BACH2: variants seen among roughly 807,000 people sequenced by gnomAD.
BACH2 encodes the protein BACH transcriptional regulator 2, also known as transcription regulator protein BACH2.
BACH2 carries 5 observed loss-of-function variants against 61.8 expected under a neutral mutation model. The observed-to-expected ratio is 0.08, with a 90% CI of 0.04 to 0.17. The LOEUF (loss-of-function observed/expected upper bound fraction) is 0.17. BACH2 is among the 10% of genes least tolerant of loss of function. BACH2 has a pLI of 1.00. For missense variants in BACH2, 824 were observed against 1,091.1 expected (o/e 0.76, Z 3.45); for synonymous variants, 446 against 440.1 (o/e 1.01, Z -0.17).
chr6:90,162,251 C>G (rs1432180389), intron 4 of BACH2, among the ~76,000 whole-genome samples: 1 of 152,186 alleles, frequency 6.6e-6, no homozygotes, highest in Non-Finnish European at 1.5e-5. Context: ...ATTTAAATTA[C>G]TAGTGCTCTC....
At chr6:90,284,224 A>C (rs1265886089) in intron 1 of BACH2, among the ~76,000 whole-genome samples, 1 of 152,154 alleles carries the variant, frequency 6.6e-6, no homozygotes, top group Non-Finnish European at 1.5e-5. Flanking sequence ...AACTAAACAA[A>C]AAACAAAAAT....
rs566356254 is a variant in BACH2 at position 90,068,891 on chromosome 6, T to C, written c.-13+20070A>G. Among the ~76,000 whole-genome samples, 10 of 152,296 alleles carry C rather than the reference T, an allele frequency of 6.6e-5. No homozygotes were observed. In the South Asian group the frequency reaches 8.3e-4, roughly 13 times the overall value. On this transcript the variant is annotated intron_variant, in intron 5 of 8. Coordinates refer to ENST00000257749, the MANE Select transcript of BACH2 (RefSeq NM_021813.4). Reference sequence around the variant, plus strand: ...GTATTCAAATTTCCACATGCAGCAATGCTCCCCTGGATTCGCGCCGTAATC... The same window carrying C: ...GTATTCAAATTTCCACATGCAGCAACGCTCCCCTGGATTCGCGCCGTAATC...
At chr6:90,028,079 C>G (rs1203858642) in intron 5 of BACH2, among the ~76,000 whole-genome samples, 1 of 152,192 alleles carries the variant, frequency 6.6e-6, no homozygotes, top group Non-Finnish European at 1.5e-5. Flanking sequence ...CTGGTACTTG[C>G]TGGCAACTTC....
intron 6 of BACH2, among the ~76,000 whole-genome samples, chr6:89,985,440 G>A (rs1376097156): frequency 6.6e-6 from 1 of 152,114 alleles, no homozygotes; most frequent in Admixed American, 6.5e-5. Context: ...ATGCTGTGGG[G>A]AGGTGGCAGC....
intron 4 of BACH2, among the ~76,000 whole-genome samples, chr6:90,122,170 T>C (rs1783655432): frequency 6.6e-6 from 1 of 152,186 alleles, no homozygotes; most frequent in Non-Finnish European, 1.5e-5. Context: ...CAAATGCACA[T>C]CCTCTCTGCC....
intron 5 of BACH2, among the ~76,000 whole-genome samples, chr6:90,020,332 G>C: frequency 6.6e-6 from 1 of 152,100 alleles, no homozygotes; most frequent in East Asian, 1.9e-4. Context: ...AAGACATAGG[G>C]CCTTCAAGAG....
intron 5 of BACH2, among the ~76,000 whole-genome samples, chr6:90,014,715 C>T (rs1195319329): frequency 6.6e-6 from 1 of 151,314 alleles, no homozygotes; most frequent in Non-Finnish European, 1.5e-5. Context: ...CCTCATGATC[C>T]ACCCGCCTTG....
At chr6:90,293,568 G>A (rs935047702) in intron 1 of BACH2, among the ~76,000 whole-genome samples, 13 of 152,178 alleles carry the variant, frequency 8.5e-5, no homozygotes, top group African/African-American at 2.4e-4. Flanking sequence ...AGAAGTGAAG[G>A]GCTGGCCTAG....
chr6:90,142,475 C>A (rs1033440279), intron 4 of BACH2, among the ~76,000 whole-genome samples: 67 of 152,140 alleles, frequency 4.4e-4, no homozygotes, highest in African/African-American at 1.6e-3. Context: ...TCTATAAGCA[C>A]CCAAAACTCA....
chr6:90,123,350 A>G (rs28397989), intron 4 of BACH2, among the ~76,000 whole-genome samples: 2 of 152,180 alleles, frequency 1.3e-5, no homozygotes, highest in African/African-American at 2.4e-5. Flanking sequence ...GCCCTGAAAC[A>G]CCTTGATTTT....
intron 2 of BACH2, among the ~76,000 whole-genome samples, chr6:90,259,220 C>A (rs1054107272): frequency 5.3e-5 from 8 of 152,104 alleles, no homozygotes; most frequent in Non-Finnish European, 1.0e-4. Flanking sequence ...CATAAATGGC[C>A]TTTATTACAC....
intron 4 of BACH2, among the ~76,000 whole-genome samples, chr6:90,131,676 A>C (rs1338197168): frequency 6.6e-6 from 1 of 152,210 alleles, no homozygotes; most frequent in Non-Finnish European, 1.5e-5. Context: ...GCTGAACTAA[A>C]GTTTAAAGCA....
rs1772753692 is a variant in BACH2 at position 89,932,783 on chromosome 6, G to C, written c.2151C>G (p.Ile717Met). Residue 717 changes from isoleucine (I) to methionine (M), a missense_variant, in exon 9 of 9, where the codon ATC becomes ATG. By Grantham distance (10) the Ile-to-Met change is conservative. Coordinates refer to ENST00000257749, the MANE Select transcript of BACH2 (RefSeq NM_021813.4). Reference sequence around the variant, plus strand: ...GGGCCTGGATCTGCTCGGGGCTCTGGATGTCTCGGCAAACTTCCTGGGAAA... The same window carrying C: ...GGGCCTGGATCTGCTCGGGGCTCTGCATGTCTCGGCAAACTTCCTGGGAAA... ...SCLSQEVCRD[I>M]QSPEQIQALH... 4 of 1,613,588 alleles carry C rather than the reference G, an allele frequency of 2.5e-6. No homozygotes were observed. Among genetic ancestry groups the C allele is most frequent in the Non-Finnish European group, 3.4e-6 (4 of 1,179,530 alleles).
At chr6:90,135,594 T>A (rs533885249) in intron 4 of BACH2, among the ~76,000 whole-genome samples, 61 of 152,182 alleles carry the variant, frequency 4.0e-4, no homozygotes, top group African/African-American at 1.4e-3. Context: ...TACACGCCTG[T>A]GGTCTCAGAT....
intron 5 of BACH2, among the ~76,000 whole-genome samples, chr6:90,031,457 A>C (rs1778978279): frequency 6.6e-6 from 1 of 152,302 alleles, no homozygotes; most frequent in South Asian, 2.1e-4. Context: ...AGAAAACCCC[A>C]TCTTCTCAGC....
intron 3 of BACH2, among the ~76,000 whole-genome samples, chr6:90,247,949 C>T (rs1056696099): frequency 6.6e-6 from 1 of 152,208 alleles, no homozygotes; most frequent in Non-Finnish European, 1.5e-5. Flanking sequence ...ATTAATTTTA[C>T]TCTCTTATAT....
At chr6:90,173,721 A>G (rs1767894028) in intron 4 of BACH2, among the ~76,000 whole-genome samples, 1 of 152,196 alleles carries the variant, frequency 6.6e-6, no homozygotes, top group Admixed American at 6.5e-5. Context: ...TTCTGGTGTG[A>G]CGGAAATATC....
chr6:90,296,248 C>G, intron 1 of BACH2, among the ~76,000 whole-genome samples: 1 of 152,062 alleles, frequency 6.6e-6, no homozygotes, highest in African/African-American at 2.4e-5. Context: ...GGAGAGCACA[C>G]ATTCGGCGCG....
intron 1 of BACH2, among the ~76,000 whole-genome samples, chr6:90,293,631 C>G (rs993631495): frequency 6.6e-6 from 1 of 152,186 alleles, no homozygotes; most frequent in Non-Finnish European, 1.5e-5. Context: ...TCACTTTGAT[C>G]ACAAAATGAA....
Sources: allele counts gnomAD v4.1 joint callset (sites outside exome capture counted in the v4.1 genomes callset), GRCh38; gene constraint gnomAD v4.1.1; transcripts MANE v1.5; gene names NCBI Gene and HGNC (gene_info 2026-07-23, HGNC 2026-07-21).